The following MACROD2 variants were observed in gnomAD, a reference collection of about 807,000 sequenced individuals.
MACROD2 encodes the protein ADP-ribose glycohydrolase MACROD2.
Under a neutral mutation model 70.4 loss-of-function variants are expected in MACROD2, and 36 were observed. The observed-to-expected ratio is 0.51, with a 90% CI of 0.39 to 0.68. The LOEUF (loss-of-function observed/expected upper bound fraction) is 0.68. Ranked by LOEUF, MACROD2 falls within the 30% of genes least tolerant of loss-of-function variation. MACROD2 has a pLI of 0.00. For missense variants in MACROD2, 496 were observed against 538.4 expected (o/e 0.92, Z 0.78); for synonymous variants, 172 against 178.8 (o/e 0.96, Z 0.30).
intron 4 of MACROD2, among the ~76,000 whole-genome samples, chr20:14,511,663 G>A (rs904411634): frequency 3.7e-5 from 3 of 81,292 alleles, no homozygotes; most frequent in African/African-American, 1.6e-4. Flanking sequence ...CGCTATGTCT[G>A]TTGTGTTTGG....
At chr20:15,700,972 T>C (rs2146896314) in intron 8 of MACROD2, among the ~76,000 whole-genome samples, 2 of 152,314 alleles carry the variant, frequency 1.3e-5, no homozygotes, top group South Asian at 4.1e-4. Context: ...CCTATTAAAA[T>C]ACAGATCACT....
chr20:15,274,719 G>A lies in MACROD2; in HGVS notation c.540+44658G>A, dbSNP rs570989570. ...AGGTAAAATAAGTAAAGCAGACACC[G>A]TCCTTGACTTCATTGAGCTCAGGGA... On this transcript the variant is annotated intron_variant, in intron 6 of 17. Transcript: ENST00000684519. Among the ~76,000 whole-genome samples, 34 of 152,334 alleles carry A rather than the reference G, an allele frequency of 2.2e-4. No homozygotes were observed. The South Asian group carries it at 3.3e-3, about 15-fold the overall frequency.
At chr20:15,378,688 A>G (rs2045599678) in intron 6 of MACROD2, among the ~76,000 whole-genome samples, 1 of 152,208 alleles carries the variant, frequency 6.6e-6, no homozygotes, top group African/African-American at 2.4e-5. Context: ...AAGATTAATG[A>G]CACACAATCA....
At chr20:15,382,485 T>C (rs2876404) in intron 6 of MACROD2, among the ~76,000 whole-genome samples, 71,583 of 152,010 alleles carry the variant, frequency 0.47, 19,647 homozygotes, top group African/African-American at 0.77. Context: ...AGGGCTTCAG[T>C]ACATAGGAGA....
intron 3 of MACROD2, among the ~76,000 whole-genome samples, chr20:14,217,459 T>C (rs1386687859): frequency 6.6e-6 from 1 of 152,168 alleles, no homozygotes; most frequent in Admixed American, 6.5e-5. Flanking sequence ...GATATTGGTC[T>C]GTAGTTTTCT....
chr20:15,160,033 A>G (rs547789467), intron 5 of MACROD2, among the ~76,000 whole-genome samples: 50 of 152,098 alleles, frequency 3.3e-4, no homozygotes, highest in Non-Finnish European at 6.5e-4. Flanking sequence ...TGACAGGTGC[A>G]GGTAAGAGTT....
At chr20:14,842,135 G>A (rs1196649029) in intron 5 of MACROD2, among the ~76,000 whole-genome samples, 4 of 152,056 alleles carry the variant, frequency 2.6e-5, no homozygotes, top group East Asian at 3.9e-4. Context: ...TGAAGGCATC[G>A]CATGGCGAGA....
At chr20:15,026,455 G>A (rs17270524) in intron 5 of MACROD2, among the ~76,000 whole-genome samples, 21,530 of 151,270 alleles carry the variant, frequency 0.14, 1,657 homozygotes, top group Non-Finnish European at 0.16. Context: ...GGGACTCAGG[G>A]TTTTACTTGA....
At chr20:14,994,570 C>G (rs1331105569) in intron 5 of MACROD2, among the ~76,000 whole-genome samples, 2 of 151,680 alleles carry the variant, frequency 1.3e-5, no homozygotes, top group Non-Finnish European at 2.9e-5. Context: ...GCCTGGGCAA[C>G]AAAGTGAGAT....
At chr20:14,462,111 C>T (rs539784932) in intron 3 of MACROD2, among the ~76,000 whole-genome samples, 7 of 152,060 alleles carry the variant, frequency 4.6e-5, no homozygotes, top group South Asian at 2.1e-4. Flanking sequence ...GTCGCCACAC[C>T]GACTTCCACA....
intron 8 of MACROD2, among the ~76,000 whole-genome samples, chr20:15,737,875 G>A (rs910789023): frequency 2.0e-5 from 3 of 151,988 alleles, no homozygotes; most frequent in African/African-American, 7.2e-5. Context: ...TGGATGGATG[G>A]ATGGATGGAT....
intron 6 of MACROD2, among the ~76,000 whole-genome samples, chr20:15,282,775 G>A (rs948253502): frequency 6.6e-6 from 1 of 152,144 alleles, no homozygotes; most frequent in Non-Finnish European, 1.5e-5. Flanking sequence ...ACCTCTGCCT[G>A]TTACCCAGTT....
intron 5 of MACROD2, among the ~76,000 whole-genome samples, chr20:15,179,908 G>A (rs1303920511): frequency 2.0e-5 from 3 of 152,150 alleles, no homozygotes; most frequent in African/African-American, 4.8e-5. Context: ...TTAAACAATA[G>A]GAATTTATTT....
intron 5 of MACROD2, among the ~76,000 whole-genome samples, chr20:14,825,720 A>G (rs2072893895): frequency 6.6e-6 from 1 of 152,120 alleles, no homozygotes; most frequent in Non-Finnish European, 1.5e-5. Context: ...AAATCTCTTA[A>G]TATGAGCCAA....
chr20:15,494,309 C>T (rs1272468835), intron 7 of MACROD2, among the ~76,000 whole-genome samples: 1 of 152,154 alleles, frequency 6.6e-6, no homozygotes, highest in Non-Finnish European at 1.5e-5. Context: ...TGGAGTCCAG[C>T]AGCCCTTCCT....
intron 6 of MACROD2, among the ~76,000 whole-genome samples, chr20:15,272,786 G>T (rs903411441): frequency 6.6e-6 from 1 of 152,120 alleles, no homozygotes; most frequent in Non-Finnish European, 1.5e-5. Flanking sequence ...CCAATTTGGG[G>T]AGTAAAACAA....
At chr20:15,974,565 A>T (rs2066277352) in intron 13 of MACROD2, among the ~76,000 whole-genome samples, 1 of 152,110 alleles carries the variant, frequency 6.6e-6, no homozygotes, top group African/African-American at 2.4e-5. Context: ...TAGGGCATTG[A>T]AAATACTCTG....
At chr20:14,637,439 T>C (rs1297976073) in intron 4 of MACROD2, among the ~76,000 whole-genome samples, 2 of 152,202 alleles carry the variant, frequency 1.3e-5, no homozygotes, top group African/African-American at 4.8e-5. Flanking sequence ...TAACTAGTAG[T>C]TATGTTGAGA....
intron 3 of MACROD2, among the ~76,000 whole-genome samples, chr20:14,207,922 C>T (rs114113415): frequency 2.0e-3 from 308 of 152,250 alleles, no homozygotes; most frequent in African/African-American, 7.0e-3. Context: ...AAATGCCAGC[C>T]AAGGTAGAAA....
Sources: gnomAD v4.1 joint callset for allele counts (sites outside exome capture counted in the v4.1 genomes callset) on GRCh38, gnomAD v4.1.1 for gene constraint, MANE v1.5 for transcripts, NCBI Gene and HGNC (gene_info 2026-07-23, HGNC 2026-07-21) for gene names.